FEZ1: variants seen among roughly 807,000 people sequenced by gnomAD.
FEZ1 encodes fasciculation and elongation protein zeta-1.
Under a neutral mutation model 49.3 loss-of-function variants are expected in FEZ1, and 20 were observed. The observed-to-expected ratio is 0.41, with a 90% CI of 0.29 to 0.59. FEZ1 has a LOEUF of 0.59. Among genes scored for constraint, FEZ1 ranks in the 20% least tolerant of loss-of-function variants. The pLI is 0.36. For missense variants in FEZ1, 413 were observed against 476.0 expected, an observed-to-expected ratio of 0.87 and a Z score of 1.23; for synonymous variants, 170 against 180.9, an observed-to-expected ratio of 0.94 and a Z score of 0.48.
chr11:125,457,178 C>G (rs1957018289), intron 5 of FEZ1, among the ~76,000 whole-genome samples: 1 of 150,688 alleles, frequency 6.6e-6, no homozygotes, highest in Non-Finnish European at 1.5e-5. Context: ...AAGAGCAAAA[C>G]TCTATCTTAA....
rs1309578249 is a variant in FEZ1, at chr11:125,495,454, C to A, written c.-46+667G>T. The stretch of plus-strand genomic sequence containing the variant: ...CCGGGGCCCACCCGACGGCAGCGCG[C>A]CCCGCCACCGCGCAGCCGCCCCGGT... On this transcript the variant is annotated intron_variant, in intron 1 of 9. Transcript: ENST00000278919. The surrounding 1 kb of genome is among the most constrained non-coding windows in gnomAD (Gnocchi z 4.2). 2.1e-6 allele frequency: 1 copy of A among 470,376 alleles called. No homozygotes were observed. Among genetic ancestry groups the A allele is most frequent in the South Asian group, 1.6e-5 (1 of 64,516 alleles). 29.1% of individuals were successfully genotyped at this position (470,376 alleles called of 1,614,324 possible). A position where few individuals can be genotyped will look rare whatever the true frequency, so the allele number is the denominator to read the frequency against.
chr11:125,451,455 C>T (rs1244698462), intron 8 of FEZ1: 3 of 152,244 alleles, frequency 2.0e-5, no homozygotes, highest in African/African-American at 7.2e-5. Flanking sequence ...CTCAGCTGAA[C>T]AGAAGCTCAA....
chr11:125,446,649 T>A (rs1956901737), intron 9 of FEZ1, among the ~76,000 whole-genome samples: 1 of 42,208 alleles, frequency 2.4e-5, no homozygotes. Flanking sequence ...TGTTTTGTTG[T>A]TGTTGTTGTT....
rs112564147 is a variant in FEZ1 at position 125,495,493 on chromosome 11, C to T, written c.-46+628G>A. 2.1e-6 allele frequency: 1 copy of T among 471,108 alleles called. No individual in the cohort carries two copies. The highest frequency in any genetic ancestry group is 7.0e-5 in the East Asian group (1 of 14,384). 29.2% of individuals were successfully genotyped at this position (471,108 alleles called of 1,614,324 possible). A position where few individuals can be genotyped will look rare whatever the true frequency, so the allele number is the denominator to read the frequency against. ...AGCCGCCCCGGTCCCTTCTCCCGCCCGTCTGTAGTAAAACAATCGCTCTCC... is the reference window on the plus strand; with the variant it reads ...AGCCGCCCCGGTCCCTTCTCCCGCCTGTCTGTAGTAAAACAATCGCTCTCC... On this transcript the variant is annotated intron_variant, in intron 1 of 9. Transcript: ENST00000278919. This position sits in a 1 kb window ranked among gnomAD's most constrained non-coding sequence, Gnocchi z 4.2.
intron 5 of FEZ1, among the ~76,000 whole-genome samples, chr11:125,457,421 AAAAAAAAAATATAT>A (rs1413092482): frequency 4.9e-5 from 2 of 40,626 alleles, no homozygotes; most frequent in African/African-American, 8.5e-5. Flanking sequence ...AAAAAAAAAA[AAAAAAAAAATATAT>A]ATATATATAT....
At chr11:125,467,738 A>T (rs1384173421) in intron 3 of FEZ1, among the ~76,000 whole-genome samples, 3 of 152,064 alleles carry the variant, frequency 2.0e-5, no homozygotes, top group Admixed American at 1.3e-4. Flanking sequence ...TACTCAGGAG[A>T]TGGAGGTGGG....
chr11:125,483,081 T>C (rs1957299027), intron 2 of FEZ1, among the ~76,000 whole-genome samples: 1 of 145,012 alleles, frequency 6.9e-6, no homozygotes, highest in Non-Finnish European at 1.5e-5. Context: ...CAAACACAAA[T>C]GATACCCGTG....
intron 5 of FEZ1, among the ~76,000 whole-genome samples, chr11:125,457,425 AAAAAATATAT>A (rs1472174936): frequency 6.9e-3 from 223 of 32,408 alleles, no homozygotes; most frequent in East Asian, 0.04. Flanking sequence ...AAAAAAAAAA[AAAAAATATAT>A]ATATATATAT....
At chr11:125,493,534 G>GA (rs1487413072) in intron 1 of FEZ1, among the ~76,000 whole-genome samples, 2 of 150,584 alleles carry the variant, frequency 1.3e-5, no homozygotes, top group African/African-American at 4.9e-5. Context: ...AAGAAAGAAA[G>GA]AAAGAAAGAA....
chr11:125,488,689 C>A (rs966913488), intron 2 of FEZ1: 207 of 970,872 alleles, frequency 2.1e-4, no homozygotes, highest in South Asian at 5.2e-4. Flanking sequence ...CAAAAAAAAA[C>A]AAAACAAAAC....
intron 1 of FEZ1, among the ~76,000 whole-genome samples, chr11:125,493,362 A>AAAAGAAAGAAAGAAAGAAAGAAAGAAAG (rs555223569): frequency 4.0e-5 from 2 of 49,580 alleles, no homozygotes; most frequent in East Asian, 6.4e-4. Flanking sequence ...AGAAAGAGAG[A>AAAAGAAAGAAAGAAAGAAAGAAAGAAAG]AAAGAAAGAA....
intron 1 of FEZ1, among the ~76,000 whole-genome samples, chr11:125,493,568 G>T (rs551786827): frequency 6.6e-6 from 1 of 151,440 alleles, no homozygotes; most frequent in Admixed American, 6.6e-5. Context: ...ATGTGGGAGT[G>T]CTTCAAGTAA....
rs1396509072 is a variant in FEZ1, at chr11:125,456,095, T to A, written c.679A>T (p.Met227Leu). The A allele has an allele frequency of 8.1e-6, 13 of 1,596,422 alleles. No individual in the cohort carries two copies. Among genetic ancestry groups the A allele is most frequent in the Non-Finnish European group, 1.0e-5 (12 of 1,172,350 alleles). ...AGCTCGGTCAGCTCAGACCCAGACA[T>A]GTGCCTCAGCCCTGCAGGGGAAGAC... is the stretch of plus-strand genomic sequence containing the variant. ...NNWSYEGLRHMSGSELTELLD... is the reference protein window; with the variant it reads ...NNWSYEGLRHLSGSELTELLD... The change falls in exon 6 of 10, where the codon ATG becomes TTG. Residue 227 changes from methionine (M) to leucine (L), a missense_variant. By Grantham distance (15) the Met-to-Leu change is conservative. Transcript: ENST00000278919.
intron 5 of FEZ1, among the ~76,000 whole-genome samples, chr11:125,456,662 C>A (rs1430796138): frequency 6.6e-6 from 1 of 152,036 alleles, no homozygotes; most frequent in Non-Finnish European, 1.5e-5. Flanking sequence ...GGTGACTATG[C>A]ATGAAAAAAT....
chr11:125,475,192 T>C (rs2845849), intron 3 of FEZ1, among the ~76,000 whole-genome samples: 111,881 of 151,080 alleles, frequency 0.74, 41,608 homozygotes, highest in South Asian at 0.82. Context: ...ATTGCTTGAG[T>C]CCGGGAGGTG....
chr11:125,457,193 A>AAAATAAAT (rs549309992), intron 5 of FEZ1, among the ~76,000 whole-genome samples: 1 of 150,946 alleles, frequency 6.6e-6, no homozygotes, highest in African/African-American at 2.4e-5. Context: ...TCTTAAAATA[A>AAAATAAAT]AAATAAATAA....
intron 9 of FEZ1, among the ~76,000 whole-genome samples, chr11:125,447,784 T>C (rs1165739287): frequency 6.7e-6 from 1 of 149,952 alleles, no homozygotes; most frequent in Non-Finnish European, 1.5e-5. Context: ...ATCACGCCAT[T>C]GCACTCCAGA....
At position 125,481,566 on chromosome 11, in the gene FEZ1, C is replaced by T. The variant is rs200075974; in HGVS notation, c.379G>A (p.Glu127Lys). 7.9e-5 allele frequency: 127 copies of T among 1,613,266 alleles called. 1 individual carries two copies. The East Asian group carries it at 9.8e-4, about 12-fold the overall frequency. Residue 127 changes from glutamate (E) to lysine (K), a missense_variant, in exon 3 of 10, where the codon GAG (glutamate) becomes AAG (lysine). Glu to Lys is a moderately conservative substitution (Grantham distance 56). Transcript: ENST00000278919. ...TCAGAGCAGTTGCCATTCAGAGCCT[C>T]GATGTTTGGATCCCTCCAGTCTTCT... ...LSEDWRDPNI[E>K]ALNGNCSDTE...
chr11:125,460,205 C>A, intron 5 of FEZ1: 1 of 274,574 alleles, frequency 3.6e-6, no homozygotes, highest in Non-Finnish European at 6.7e-6. Context: ...TTTATGGTAG[C>A]ATCATTCATT....
Sources: allele counts gnomAD v4.1 joint callset (sites outside exome capture counted in the v4.1 genomes callset), GRCh38; gene constraint gnomAD v4.1.1; non-coding constraint Gnocchi (gnomAD v3.1); transcripts MANE v1.5; gene names NCBI Gene and HGNC (gene_info 2026-07-23, HGNC 2026-07-21).